Variants in ADGRL3 observed in about 807,000 individuals in gnomAD.
ADGRL3 encodes the protein calcium-independent alpha-latrotoxin receptor 3.
Under a neutral mutation model 153.5 loss-of-function variants are expected in ADGRL3, and 62 were observed. The observed-to-expected ratio is 0.40, with a 90% CI of 0.33 to 0.50. The LOEUF (loss-of-function observed/expected upper bound fraction) is 0.50. Among genes scored for constraint, ADGRL3 ranks in the 20% least tolerant of loss-of-function variants. The pLI, the probability that ADGRL3 is intolerant of heterozygous loss-of-function variation, is 0.47. For synonymous variants in ADGRL3, 710 were observed against 672.5 expected (o/e 1.06, Z -0.86); for missense variants, 1,641 against 1,859.4 (o/e 0.88, Z 2.16).
chr4:62,033,926 T>C (rs1009710088), intron 23 of ADGRL3, among the ~76,000 whole-genome samples: 1 of 151,770 alleles, frequency 6.6e-6, no homozygotes, highest in African/African-American at 2.4e-5. Context: ...CTTTGAGTAT[T>C]TTTTTATTAG....
chr4:61,385,208 A>G (rs1371602156), intron 2 of ADGRL3, among the ~76,000 whole-genome samples: 1 of 152,016 alleles, frequency 6.6e-6, no homozygotes, highest in Non-Finnish European at 1.5e-5. Context: ...ATGCTTTCTG[A>G]TTTTTCATAA....
chr4:61,755,362 A>C (rs2096813330), intron 8 of ADGRL3, among the ~76,000 whole-genome samples: 1 of 152,132 alleles, frequency 6.6e-6, no homozygotes, highest in South Asian at 2.1e-4. Context: ...CATTTCTCTG[A>C]TGGCCAGTGA....
At chr4:61,272,482 C>A (rs1578067756) in intron 1 of ADGRL3, among the ~76,000 whole-genome samples, 1 of 151,858 alleles carries the variant, frequency 6.6e-6, no homozygotes, top group Admixed American at 6.6e-5. Flanking sequence ...GTAATGAGGA[C>A]TATAGGACAG....
chr4:61,452,136 G>T (rs910930738), intron 2 of ADGRL3, among the ~76,000 whole-genome samples: 6 of 152,102 alleles, frequency 3.9e-5, no homozygotes, highest in Non-Finnish European at 8.8e-5. Context: ...CTCAATCAAG[G>T]ATGTGATATG....
At chr4:61,604,272 C>T (rs1307764761) in intron 5 of ADGRL3, among the ~76,000 whole-genome samples, 1 of 152,094 alleles carries the variant, frequency 6.6e-6, no homozygotes, top group East Asian at 1.9e-4. Context: ...TCAGTGTCTG[C>T]CCTCCACTAG....
chr4:61,320,615 C>T (rs1469651764), intron 1 of ADGRL3, among the ~76,000 whole-genome samples: 1 of 152,102 alleles, frequency 6.6e-6, no homozygotes. Context: ...AAGGCCTGCC[C>T]ATATTATGAA....
chr4:61,733,258 C>T lies in ADGRL3; in HGVS notation c.1103C>T (p.Thr368Ile), dbSNP rs749553231. Residue 368 changes from threonine (T) to isoleucine (I), a missense_variant, in exon 8 of 27, where the codon ACA becomes ATA. Physicochemically the swap from Thr to Ile is moderately conservative, Grantham distance 89 (BLOSUM62 -1). Transcript: ENST00000683033. Reference sequence around the variant, plus strand: ...CCTTACACCCTACGGATCGAAGGAACATGGGATACTGCATATGATAAAAGG... The same window carrying T: ...CCTTACACCCTACGGATCGAAGGAATATGGGATACTGCATATGATAAAAGG... ...LNPYTLRIEG[T>I]WDTAYDKRSA... 7 of 1,613,724 alleles carry T rather than the reference C, an allele frequency of 4.3e-6. No individual in the cohort carries two copies. Among genetic ancestry groups the T allele is most frequent in the Non-Finnish European group, 5.9e-6 (7 of 1,179,816 alleles).
intron 4 of ADGRL3, among the ~76,000 whole-genome samples, chr4:61,557,753 G>T (rs1160102200): frequency 6.6e-6 from 1 of 151,714 alleles, no homozygotes; most frequent in East Asian, 1.9e-4. Context: ...ATATACTTTG[G>T]CTATTTTGCT....
At position 61,328,820 on chromosome 4, in the gene ADGRL3, C is replaced by T. The variant is rs529120229; in HGVS notation, c.-239-54304C>T. On this transcript the variant is annotated intron_variant, in intron 1 of 26. Coordinates refer to ENST00000683033, the MANE Select transcript of ADGRL3 (RefSeq NM_001387552.1). Reference sequence around the variant, plus strand: ...TGGTTTCGTTTGTTTATTGAATTCTCCTACTCCTGCTCCTGCCTTGTTGTG... The same window carrying T: ...TGGTTTCGTTTGTTTATTGAATTCTTCTACTCCTGCTCCTGCCTTGTTGTG... Among the ~76,000 whole-genome samples the T allele has an allele frequency of 3.3e-5, 5 of 152,090 alleles. No individual in the cohort carries two copies. In the South Asian group the frequency reaches 1.0e-3, roughly 32 times the overall value.
intron 1 of ADGRL3, among the ~76,000 whole-genome samples, chr4:61,224,077 T>G (rs1746832515): frequency 6.6e-6 from 1 of 152,226 alleles, no homozygotes; most frequent in East Asian, 1.9e-4. Flanking sequence ...TCAAAAATAA[T>G]ACTTAAATTT....
intron 3 of ADGRL3, 131 bp from the exon 4 acceptor site, chr4:61,517,184 C>A: frequency 1.6e-6 from 1 of 629,578 alleles, no homozygotes; most frequent in African/African-American, 1.8e-5. Context: ...TGAGTAGGGC[C>A]TGGGGTGGCT....
At position 62,070,368 on chromosome 4, in the gene ADGRL3, G is replaced by A. The variant is rs1364034811; in HGVS notation, c.4092G>A (p.Val1364=). ...ACAGGAATCTGATGAACAAGCTGGT[G>A]AATAACCTTGGCAGTGGAAGGGAAG... ...EQNRNLMNKL[V]NNLGSGREDD... The change falls in exon 27 of 27, where the codon GTG becomes GTA. Residue 1364 remains valine (V), a synonymous_variant. Coordinates refer to ENST00000683033, the MANE Select transcript of ADGRL3 (RefSeq NM_001387552.1). 6.4e-7 allele frequency: 1 copy of A among 1,552,166 alleles called. No homozygotes were observed. Among genetic ancestry groups the A allele is most frequent in the Non-Finnish European group, 8.7e-7 (1 of 1,147,088 alleles).
chr4:61,744,144 G>A (rs1483153804), intron 8 of ADGRL3, among the ~76,000 whole-genome samples: 1 of 152,174 alleles, frequency 6.6e-6, no homozygotes, highest in African/African-American at 2.4e-5. Context: ...CTGCAAGGCA[G>A]CAGCGAGGCT....
intron 8 of ADGRL3, among the ~76,000 whole-genome samples, chr4:61,788,045 C>T (rs2097298124): frequency 6.6e-6 from 1 of 152,138 alleles, no homozygotes; most frequent in African/African-American, 2.4e-5. Flanking sequence ...GATTGATGGG[C>T]ATTTGGGCTG....
intron 8 of ADGRL3, among the ~76,000 whole-genome samples, chr4:61,764,162 C>A (rs1314764390): frequency 6.6e-6 from 1 of 152,064 alleles, no homozygotes; most frequent in East Asian, 1.9e-4. Flanking sequence ...AATTTGGTAA[C>A]ACTATTCAGA....
At chr4:61,281,347 T>C (rs747522997) in intron 1 of ADGRL3, among the ~76,000 whole-genome samples, 12 of 152,188 alleles carry the variant, frequency 7.9e-5, no homozygotes, top group Non-Finnish European at 1.6e-4. Context: ...CCATTTGCTA[T>C]CTCACAATAT....
At chr4:61,664,451 G>C (rs2094712164) in intron 5 of ADGRL3, among the ~76,000 whole-genome samples, 1 of 152,122 alleles carries the variant, frequency 6.6e-6, no homozygotes, top group Non-Finnish European at 1.5e-5. Context: ...CTACACCTCA[G>C]TGATAATCAC....
chr4:61,337,633 CA>C (rs2151075436), intron 1 of ADGRL3, among the ~76,000 whole-genome samples: 1 of 152,244 alleles, frequency 6.6e-6, no homozygotes, highest in African/African-American at 2.4e-5. Context: ...TGTAAAAAAT[CA>C]GTATAAACTG....
intron 18 of ADGRL3, 99 bp from the exon 19 acceptor site, chr4:61,983,284 T>C (rs1397476044): frequency 2.5e-6 from 2 of 808,270 alleles, no homozygotes; most frequent in Admixed American, 4.9e-5. Context: ...GCAGATCTAT[T>C]GTAATGCAGT....
Sources: gnomAD v4.1 joint callset for allele counts (sites outside exome capture counted in the v4.1 genomes callset) on GRCh38, gnomAD v4.1.1 for gene constraint, MANE v1.5 for transcripts, NCBI Gene and HGNC (gene_info 2026-07-23, HGNC 2026-07-21) for gene names.